NRG1: variants seen among roughly 807,000 people sequenced by gnomAD.
The protein encoded by NRG1 is pro-neuregulin-1, membrane-bound isoform.
In NRG1, 18 loss-of-function variants were observed where a neutral mutation model predicts 63.8. The observed-to-expected ratio is 0.28, with a 90% CI of 0.19 to 0.42. The LOEUF (loss-of-function observed/expected upper bound fraction) is 0.42. Ranked by LOEUF, NRG1 falls within the 10% of genes least tolerant of loss-of-function variation. The pLI is 1.00. For missense variants in NRG1, 762 were observed against 814.7 expected (o/e 0.94, Z 0.79); for synonymous variants, 302 against 301.3 (o/e 1.00, Z -0.02).
At chr8:32,096,219 A>G (rs1829885768) in intron 1 of NRG1, among the ~76,000 whole-genome samples, 1 of 152,254 alleles carries the variant, frequency 6.6e-6, no homozygotes. Context: ...TTATAGTTTC[A>G]AAAGATTACA....
At chr8:32,754,614 T>A in intron 8 of NRG1, 140 bp downstream of exon 8, 2 of 718,768 alleles carry the variant, frequency 2.8e-6, no homozygotes, top group South Asian at 3.5e-5. Context: ...TTATTTCCTC[T>A]GAATAATCCA....
At chr8:31,687,751 A>G (rs1181872195) in intron 1 of NRG1, among the ~76,000 whole-genome samples, 1 of 152,242 alleles carries the variant, frequency 6.6e-6, no homozygotes, top group East Asian at 1.9e-4. Flanking sequence ...TTGGCCAACA[A>G]CATGGAAGCT....
chr8:32,749,081 C>T (rs1454471284), intron 7 of NRG1: 1 of 163,418 alleles, frequency 6.1e-6, no homozygotes, highest in African/African-American at 2.4e-5. Context: ...TTACCATCCT[C>T]TTGGCTTCTG....
At chr8:31,770,630 G>C (rs529335211) in intron 1 of NRG1, among the ~76,000 whole-genome samples, 9 of 151,716 alleles carry the variant, frequency 5.9e-5, no homozygotes, top group African/African-American at 1.5e-4. Context: ...GGTGGGGGTA[G>C]GGGGGAGGGA....
intron 1 of NRG1, among the ~76,000 whole-genome samples, chr8:31,992,585 C>T (rs1811278785): frequency 6.6e-6 from 1 of 152,012 alleles, no homozygotes; most frequent in African/African-American, 2.4e-5. Context: ...CTGACTCCTA[C>T]TTAAAATTAA....
intron 1 of NRG1, among the ~76,000 whole-genome samples, chr8:32,011,819 G>T (rs567754543): frequency 9.9e-5 from 15 of 152,180 alleles, no homozygotes; most frequent in East Asian, 3.9e-4. Flanking sequence ...ACCTCTAAAA[G>T]ATATTAAACG....
downstream of NRG1, among the ~76,000 whole-genome samples, chr8:32,768,945 T>G (rs1831615647): frequency 6.6e-6 from 1 of 152,208 alleles, no homozygotes; most frequent in African/African-American, 2.4e-5. Flanking sequence ...AAATTTAAAT[T>G]GTAGCTTTTG....
At chr8:32,548,254 G>A (rs946221575), upstream of NRG1, 57 of 985,884 alleles carry the variant, frequency 5.8e-5, no homozygotes, top group Non-Finnish European at 6.7e-5. Flanking sequence ...TCCAACCTGC[G>A]GGCGGGAGGT....
chr8:32,665,732 G>A (rs1288076752), intron 5 of NRG1, among the ~76,000 whole-genome samples: 1 of 152,132 alleles, frequency 6.6e-6, no homozygotes, highest in Admixed American at 6.5e-5. Flanking sequence ...TATTAGACGT[G>A]TATCAAGCAT....
chr8:32,529,407 T>C (rs1022822133), intron 1 of NRG1, among the ~76,000 whole-genome samples: 4 of 152,194 alleles, frequency 2.6e-5, no homozygotes, highest in African/African-American at 9.6e-5. Context: ...ATTCTTCACA[T>C]AGGCTGCACT....
intron 1 of NRG1, among the ~76,000 whole-genome samples, chr8:31,646,930 C>T (rs767875303): frequency 2.0e-5 from 3 of 152,108 alleles, no homozygotes; most frequent in Non-Finnish European, 2.9e-5. Flanking sequence ...GTTTAATTTC[C>T]CAAAACTTTT....
chr8:31,971,692 G>T (rs1175678742), intron 1 of NRG1, among the ~76,000 whole-genome samples: 2 of 151,556 alleles, frequency 1.3e-5, no homozygotes, highest in African/African-American at 4.9e-5. Context: ...GAAAGAAAAA[G>T]AAAAAAACTG....
intron 1 of NRG1, among the ~76,000 whole-genome samples, chr8:31,989,555 C>T (rs1586299983): frequency 6.6e-6 from 1 of 152,000 alleles, no homozygotes; most frequent in Non-Finnish European, 1.5e-5. Context: ...AACCTTTAAG[C>T]GTCTGCCTTG....
rs1156352990 is a variant in NRG1, at chr8:32,040,647, GTATGTATATATGTATA to G, written c.37+401227_37+401242del. Among the ~76,000 whole-genome samples the G allele has an allele frequency of 4.9e-5, 7 of 141,832 alleles. No individual in the cohort carries two copies. In the South Asian group the frequency reaches 1.4e-3, roughly 27 times the overall value. The allele number at this position is 141,832 out of a possible 152,430, so 93.0% of individuals were successfully genotyped here. On this transcript the variant is annotated intron_variant, in intron 1 of 10. Coordinates refer to the NRG1 transcript ENST00000519301. ...TATACACGTATGTATGTATATATAT[GTATGTATATATGTATA>G]TATGTATATACACACACACATATAT...
chr8:31,807,768 C>A (rs954576446), intron 1 of NRG1, among the ~76,000 whole-genome samples: 2 of 152,140 alleles, frequency 1.3e-5, no homozygotes, highest in Admixed American at 6.6e-5. Context: ...GGCTTCCCCC[C>A]ATTCCACAAT....
At chr8:31,646,211 C>G (rs1323027744) in intron 1 of NRG1, among the ~76,000 whole-genome samples, 2 of 152,226 alleles carry the variant, frequency 1.3e-5, no homozygotes, top group African/African-American at 4.8e-5. Context: ...AAGGCTCTGT[C>G]TTTGGACATC....
chr8:31,695,525 A>G, intron 1 of NRG1, among the ~76,000 whole-genome samples: 1 of 152,142 alleles, frequency 6.6e-6, no homozygotes, highest in East Asian at 1.9e-4. Flanking sequence ...ACTCACTATC[A>G]CAAGAACAAC....
intron 1 of NRG1, among the ~76,000 whole-genome samples, chr8:32,478,913 A>C (rs1231626073): frequency 2.0e-5 from 3 of 152,204 alleles, no homozygotes; most frequent in Admixed American, 6.5e-5. Context: ...TTTGGTTATT[A>C]TCTCCAGTGC....
rs191588591 is a variant in NRG1 at position 32,069,092 on chromosome 8, A to G, written c.37+429661A>G. 2.5e-3 allele frequency among the ~76,000 whole-genome samples: 381 copies of G among 152,296 alleles called. 2 individuals are homozygous for G. The highest frequency in any genetic ancestry group is 0.02 in the Middle Eastern group (6 of 294). On this transcript the variant is annotated intron_variant, in intron 1 of 10. Transcript: ENST00000519301. ...AATGGCAGGAAGGGGGCCAGGTGCT[A>G]TCTCCTTGAAGGAGGGATGAACCGT...
Sources: allele counts gnomAD v4.1 joint callset (sites outside exome capture counted in the v4.1 genomes callset), GRCh38; gene constraint gnomAD v4.1.1; transcripts MANE v1.5; gene names NCBI Gene and HGNC (gene_info 2026-07-23, HGNC 2026-07-21).